The following LPP variants were observed in gnomAD, a reference collection of about 807,000 sequenced individuals.
The protein encoded by LPP is lipoma-preferred partner.
Under a neutral mutation model 60.4 loss-of-function variants are expected in LPP, and 38 were observed. The observed-to-expected ratio is 0.63, with a 90% CI of 0.49 to 0.83. The LOEUF is 0.83. Ranked by LOEUF, LPP falls within the 40% of genes least tolerant of loss-of-function variation. LPP has a pLI of 0.00. For synonymous variants in LPP, 328 were observed against 290.8 expected (o/e 1.13, Z -1.30); for missense variants, 902 against 783.6 (o/e 1.15, Z -1.80).
intron 8 of LPP, among the ~76,000 whole-genome samples, chr3:188,736,325 T>G (rs1722496415): frequency 6.6e-6 from 1 of 151,848 alleles, no homozygotes; most frequent in Admixed American, 6.6e-5. Flanking sequence ...AAGCAAAGGG[T>G]TAACAACTGT....
At chr3:188,289,185 TC>T (rs1323439944) in intron 2 of LPP, among the ~76,000 whole-genome samples, 1 of 152,108 alleles carries the variant, frequency 6.6e-6, no homozygotes, top group Non-Finnish European at 1.5e-5. Context: ...CAAACAAAGA[TC>T]ATACAATCAT....
At chr3:188,311,550 T>G (rs1308095771) in intron 2 of LPP, among the ~76,000 whole-genome samples, 1 of 151,468 alleles carries the variant, frequency 6.6e-6, no homozygotes, top group African/African-American at 2.4e-5. Context: ...AAAATAAACT[T>G]ACGGAGTTGG....
At chr3:188,213,399 G>A (rs1482385078) in intron 1 of LPP, among the ~76,000 whole-genome samples, 1 of 152,164 alleles carries the variant, frequency 6.6e-6, no homozygotes, top group Non-Finnish European at 1.5e-5. Context: ...AGGCCCTGAA[G>A]ACAGATGGCT....
intron 2 of LPP, among the ~76,000 whole-genome samples, chr3:188,276,281 G>A (rs1739653931): frequency 6.6e-6 from 1 of 152,124 alleles, no homozygotes; most frequent in South Asian, 2.1e-4. Context: ...TGTGTCTGCT[G>A]TGCTTCATCA....
Position 188,792,585 on chromosome 3 carries a change from C to T in LPP, c.1410+32303C>T, listed in dbSNP as rs758559787. Among the ~76,000 whole-genome samples the T allele has an allele frequency of 8.5e-5, 13 of 152,106 alleles. No homozygotes were observed. The East Asian group carries it at 9.6e-4, about 11-fold the overall frequency. The stretch of plus-strand genomic sequence containing the variant: ...TGCAGTGCAGTTCAGTGCAAACCAA[C>T]GGAAAGCCCACAGTTTTTTTGTTTT... On this transcript the variant is annotated intron_variant, in intron 9 of 11. Coordinates refer to ENST00000617246, the MANE Select transcript of LPP (RefSeq NM_001375462.1).
intron 3 of LPP, among the ~76,000 whole-genome samples, chr3:188,374,296 G>T (rs1434926551): frequency 6.6e-6 from 1 of 152,040 alleles, no homozygotes; most frequent in Admixed American, 6.6e-5. Context: ...AATTACCTTT[G>T]GCAGTATGGC....
intron 3 of LPP, among the ~76,000 whole-genome samples, chr3:188,378,247 A>G (rs970632507): frequency 6.6e-6 from 1 of 152,210 alleles, no homozygotes; most frequent in African/African-American, 2.4e-5. Flanking sequence ...AGAGAGGGAC[A>G]TGTAAGTCTG....
At chr3:188,242,810 G>C (rs922087011) in intron 2 of LPP, among the ~76,000 whole-genome samples, 2 of 152,130 alleles carry the variant, frequency 1.3e-5, no homozygotes, top group South Asian at 4.1e-4. Flanking sequence ...AGTTTGTAGG[G>C]GATGATATTG....
At position 188,775,053 on chromosome 3, in the gene LPP, G is replaced by GTTTT. The variant is rs764136747; in HGVS notation, c.1410+14772_1410+14773insTTTT. On this transcript the variant is annotated intron_variant, in intron 9 of 11. Coordinates refer to ENST00000617246, the MANE Select transcript of LPP (RefSeq NM_001375462.1). ...TAGTTATATAGAAACTACATGCTTA[G>GTTTT]TGTTTTTTTTTTTTTTTTAGACAGA... 1.3e-4 allele frequency among the ~76,000 whole-genome samples: 16 copies of GTTTT among 127,742 alleles called. 1 individual carries two copies. Among genetic ancestry groups the GTTTT allele is most frequent in the Non-Finnish European group, 1.4e-4 (8 of 56,640 alleles). The allele number at this position is 127,742 out of a possible 152,430, so 83.8% of individuals were successfully genotyped here. A position where few individuals can be genotyped will look rare whatever the true frequency, so the allele number is the denominator to read the frequency against.
chr3:188,549,149 A>G (rs1160154533), intron 6 of LPP, among the ~76,000 whole-genome samples: 2 of 152,196 alleles, frequency 1.3e-5, no homozygotes, highest in African/African-American at 4.8e-5. Flanking sequence ...ATTATTTTTA[A>G]TTTAAAAAAA....
chr3:188,366,408 C>T (rs1247393361), intron 3 of LPP, among the ~76,000 whole-genome samples: 6 of 151,996 alleles, frequency 3.9e-5, no homozygotes, highest in African/African-American at 1.2e-4. Flanking sequence ...GGCTGGGCTC[C>T]GTGGTGAAGG....
chr3:188,450,048 C>T (rs992189657), intron 4 of LPP, among the ~76,000 whole-genome samples: 1 of 152,108 alleles, frequency 6.6e-6, no homozygotes, highest in Non-Finnish European at 1.5e-5. Flanking sequence ...CGTGATCCGC[C>T]CACCTCGGAC....
At chr3:188,517,867 G>T (rs1211811433) in intron 5 of LPP, among the ~76,000 whole-genome samples, 1 of 152,102 alleles carries the variant, frequency 6.6e-6, no homozygotes, top group Non-Finnish European at 1.5e-5. Context: ...GGGACACAGA[G>T]CAAAACTGTA....
intron 9 of LPP, among the ~76,000 whole-genome samples, chr3:188,857,919 A>C (rs1203520444): frequency 3.9e-5 from 6 of 152,210 alleles, no homozygotes; most frequent in Non-Finnish European, 8.8e-5. Context: ...AGCCCCTTGA[A>C]ATTTGTATAG....
At chr3:188,426,794 C>T (rs142207484) in intron 4 of LPP, among the ~76,000 whole-genome samples, 2,188 of 151,640 alleles carry the variant, frequency 0.014, 38 homozygotes, top group Non-Finnish European at 0.02. Context: ...TTTTGCTTTC[C>T]GTTTGCTTGG....
At chr3:188,600,156 T>C (rs1190884906) in intron 6 of LPP, among the ~76,000 whole-genome samples, 2 of 149,778 alleles carry the variant, frequency 1.3e-5, no homozygotes, top group Admixed American at 6.7e-5. Context: ...CCACAATATT[T>C]TAGAGTGTGT....
intron 4 of LPP, among the ~76,000 whole-genome samples, chr3:188,421,696 T>C (rs550663955): frequency 6.6e-6 from 1 of 152,296 alleles, no homozygotes; most frequent in Non-Finnish European, 1.5e-5. Context: ...AGCTTTTATA[T>C]TGTGAAAGTT....
intron 4 of LPP, among the ~76,000 whole-genome samples, chr3:188,426,306 A>G (rs2114234): frequency 0.97 from 147,572 of 152,298 alleles, 71,652 homozygotes; most frequent in East Asian, 1. Flanking sequence ...ATTGCACTGT[A>G]GACTGAGAAA....
chr3:188,791,492 G>A (rs756620415), intron 9 of LPP, among the ~76,000 whole-genome samples: 3 of 151,802 alleles, frequency 2.0e-5, no homozygotes, highest in African/African-American at 4.8e-5. Flanking sequence ...TGTATGTTCT[G>A]AATGAATAGG....
Sources: allele counts gnomAD v4.1 joint callset (sites outside exome capture counted in the v4.1 genomes callset), GRCh38; gene constraint gnomAD v4.1.1; transcripts MANE v1.5; gene names NCBI Gene and HGNC (gene_info 2026-07-23, HGNC 2026-07-21).